Variants in RGS20 observed in about 807,000 individuals in gnomAD.
The protein encoded by RGS20 is regulator of G protein signaling 20.
In RGS20, 30 loss-of-function variants were observed where a neutral mutation model predicts 33.6. The ratio of observed to expected loss-of-function variants is 0.89; its 90% CI spans 0.67 to 1.21. RGS20 has a LOEUF of 1.21. Among genes scored for constraint, RGS20 ranks in the 50% most tolerant of loss-of-function variants. RGS20 has a pLI of 0.00. For missense variants in RGS20, 472 were observed against 502.4 expected (o/e 0.94, Z 0.58); for synonymous variants, 208 against 197.9 (o/e 1.05, Z -0.43).
intron 2 of RGS20, among the ~76,000 whole-genome samples, chr8:53,894,285 G>A (rs964713499): frequency 6.6e-6 from 1 of 152,180 alleles, no homozygotes; most frequent in African/African-American, 2.4e-5. Context: ...AGATCTGTTT[G>A]TTCAACATAT....
chr8:53,891,506 A>G (rs1812708299), intron 2 of RGS20, among the ~76,000 whole-genome samples: 1 of 152,090 alleles, frequency 6.6e-6, no homozygotes, highest in South Asian at 2.1e-4. Flanking sequence ...CTGTAGTCCC[A>G]GCTACTCAGG....
At chr8:53,944,418 G>C (rs901589286) in intron 3 of RGS20, among the ~76,000 whole-genome samples, 1 of 151,832 alleles carries the variant, frequency 6.6e-6, no homozygotes, top group African/African-American at 2.4e-5. Flanking sequence ...CGCGCCTGTA[G>C]TCCCAGCTAC....
intron 1 of RGS20, among the ~76,000 whole-genome samples, chr8:53,862,451 G>A (rs1811830155): frequency 6.6e-6 from 1 of 152,110 alleles, no homozygotes; most frequent in Non-Finnish European, 1.5e-5. Flanking sequence ...AATCCTGCTG[G>A]CTTCTACTTC....
intron 1 of RGS20, among the ~76,000 whole-genome samples, chr8:53,874,450 T>C (rs1812152678): frequency 6.6e-6 from 1 of 151,882 alleles, no homozygotes. Flanking sequence ...GGGAGAGATA[T>C]ACTTTAAGGA....
At chr8:53,955,072 C>T (rs1487019056) in intron 5 of RGS20, among the ~76,000 whole-genome samples, 1 of 151,352 alleles carries the variant, frequency 6.6e-6, no homozygotes, top group Non-Finnish European at 1.5e-5. Flanking sequence ...TGCAGGTCCA[C>T]AGTCAAAGGG....
At chr8:53,957,427 C>T (rs1311449094) in intron 5 of RGS20, among the ~76,000 whole-genome samples, 1 of 152,256 alleles carries the variant, frequency 6.6e-6, no homozygotes, top group Non-Finnish European at 1.5e-5. Flanking sequence ...CATTGTCTGC[C>T]CTCAGGCCCT....
chr8:53,939,770 G>A, intron 3 of RGS20, 46 bp downstream of exon 2: 1 of 1,519,480 alleles, frequency 6.6e-7, no homozygotes, highest in Non-Finnish European at 8.9e-7. Context: ...ACTGGGAAGT[G>A]TAATGTGCTC....
At chr8:53,878,925 G>A (rs1287661060) in intron 1 of RGS20, among the ~76,000 whole-genome samples, 4 of 152,190 alleles carry the variant, frequency 2.6e-5, no homozygotes, top group Non-Finnish European at 5.9e-5. Flanking sequence ...CATACCGCAT[G>A]TCACATTCAG....
chr8:53,886,533 G>A (rs1400985071), intron 2 of RGS20, among the ~76,000 whole-genome samples: 2 of 152,082 alleles, frequency 1.3e-5, no homozygotes, highest in Admixed American at 6.5e-5. Context: ...TTCTAGTTAC[G>A]CATTTATTTT....
At chr8:53,938,258 TC>T (rs1450631983) in intron 2 of RGS20, among the ~76,000 whole-genome samples, 1 of 152,146 alleles carries the variant, frequency 6.6e-6, no homozygotes, top group East Asian at 1.9e-4. Flanking sequence ...CCGGAAACCG[TC>T]ATTCTCAGCA....
chr8:53,881,045 C>T (rs1198638851), intron 2 of RGS20: 5 of 1,563,518 alleles, frequency 3.2e-6, no homozygotes, highest in East Asian at 2.3e-5. Context: ...GCGAGCCGGC[C>T]GGGGCTTCCT....
chr8:53,884,611 T>A (rs1034308063), intron 2 of RGS20, among the ~76,000 whole-genome samples: 1 of 152,150 alleles, frequency 6.6e-6, no homozygotes, highest in Non-Finnish European at 1.5e-5. Flanking sequence ...GGGCCAGAGA[T>A]CTCCAGCTAA....
At chr8:53,908,104 T>G (rs1813235974) in intron 2 of RGS20, among the ~76,000 whole-genome samples, 1 of 152,166 alleles carries the variant, frequency 6.6e-6, no homozygotes, top group African/African-American at 2.4e-5. Context: ...AGTGAAACTA[T>G]TGAAAACGGC....
At chr8:53,928,998 T>C (rs756664942) in intron 2 of RGS20, among the ~76,000 whole-genome samples, 13 of 152,220 alleles carry the variant, frequency 8.5e-5, no homozygotes, top group Non-Finnish European at 1.3e-4. Context: ...TATTGATATA[T>C]GCAACAATCT....
intron 2 of RGS20, among the ~76,000 whole-genome samples, chr8:53,918,598 G>C (rs1256984078): frequency 6.6e-6 from 1 of 152,034 alleles, no homozygotes; most frequent in Non-Finnish European, 1.5e-5. Context: ...ATGTTGGTCA[G>C]GCTGGTCTCG....
intron 2 of RGS20, among the ~76,000 whole-genome samples, chr8:53,893,322 A>G (rs1812767242): frequency 6.6e-6 from 1 of 152,120 alleles, no homozygotes; most frequent in South Asian, 2.1e-4. Flanking sequence ...TTCTTGAAAA[A>G]AAAATACTAT....
intron 1 of RGS20, among the ~76,000 whole-genome samples, chr8:53,867,754 G>T (rs1046399345): frequency 1.3e-5 from 2 of 149,032 alleles, no homozygotes; most frequent in African/African-American, 5.0e-5. Flanking sequence ...TTTTCCCCAA[G>T]ACAGGGTCTC....
At position 53,881,094 on chromosome 8, in the gene RGS20, C is replaced by A. The variant is rs916567891; in HGVS notation, c.510+1492C>A. On this transcript the variant is annotated intron_variant, in intron 2 of 5. Transcript: ENST00000297313. ...GGTGGACGGTGGGCTCGTGAGTATC[C>A]CAGTTCCTCGAACTCTCTTTCTTCG... is the stretch of plus-strand genomic sequence containing the variant. 6.6e-7 allele frequency: 1 copy of A among 1,523,614 alleles called. No individual in the cohort carries two copies. Among genetic ancestry groups the A allele is most frequent in the East Asian group, 2.3e-5 (1 of 42,878 alleles). 94.4% of individuals were successfully genotyped at this position (1,523,614 alleles called of 1,614,324 possible).
intron 2 of RGS20, among the ~76,000 whole-genome samples, chr8:53,883,352 C>T (rs1357146065): frequency 2.0e-5 from 3 of 151,774 alleles, no homozygotes; most frequent in Non-Finnish European, 1.5e-5. Context: ...TTAGTGGAGA[C>T]GGGGTTTCTC....
Sources: allele counts gnomAD v4.1 joint callset (sites outside exome capture counted in the v4.1 genomes callset), GRCh38; gene constraint gnomAD v4.1.1; transcripts MANE v1.5; gene names NCBI Gene and HGNC (gene_info 2026-07-23, HGNC 2026-07-21).